Variants in MARCKSL1 observed in about 807,000 individuals in gnomAD.
The protein encoded by MARCKSL1 is MARCKS like 1, also known as MARCKS-related protein.
A neutral mutation model predicts 13.3 loss-of-function variants in MARCKSL1; 5 were observed. The ratio of observed to expected loss-of-function variants is 0.38; its 90% CI spans 0.20 to 0.79. The LOEUF is 0.79. Ranked by LOEUF, MARCKSL1 falls within the 30% of genes least tolerant of loss-of-function variation. MARCKSL1 has a pLI of 0.45. For missense variants in MARCKSL1, 274 were observed against 251.6 expected (o/e 1.09, Z -0.60); for synonymous variants, 126 against 103.2 (o/e 1.22, Z -1.34).
chr1:32,335,957 G>A lies in MARCKSL1; in HGVS notation c.77C>T (p.Ala26Val). Residue 26 changes from alanine to valine, a missense_variant, in exon 1 of 2, where the codon GCC becomes GTC. Coordinates refer to ENST00000329421, the MANE Select transcript of MARCKSL1 (RefSeq NM_023009.7). This position sits in a 1 kb window ranked among gnomAD's most constrained non-coding sequence, Gnocchi z 4.1. Reference sequence around the variant, plus strand: ...GCCAAGCGTACCCACCTGGCCGTTGGCCTTCGCGGGGGAAGCGCCTGCTGC... The same window carrying A: ...GCCAAGCGTACCCACCTGGCCGTTGACCTTCGCGGGGGAAGCGCCTGCTGC... ...EEAAGASPAK[A>V]NGQENGHVKS... 1 of 1,293,356 alleles carries A rather than the reference G, an allele frequency of 7.7e-7. No individual in the cohort carries two copies. The highest frequency in any genetic ancestry group is 9.8e-7 in the Non-Finnish European group (1 of 1,017,360). 80.1% of individuals were successfully genotyped at this position (1,293,356 alleles called of 1,614,324 possible). A position where few individuals can be genotyped will look rare whatever the true frequency, so the allele number is the denominator to read the frequency against.
rs768933914 is a variant in MARCKSL1, at chr1:32,336,012, C to G, written c.22G>C (p.Ala8Pro). 4.8e-5 allele frequency: 62 copies of G among 1,295,284 alleles called. No individual in the cohort carries two copies. Among genetic ancestry groups the G allele is most frequent in the Non-Finnish European group, 5.8e-5 (59 of 1,021,110 alleles). 80.2% of individuals were successfully genotyped at this position (1,295,284 alleles called of 1,614,324 possible). A position where few individuals can be genotyped will look rare whatever the true frequency, so the allele number is the denominator to read the frequency against. The change falls in exon 1 of 2, where the codon GCT (alanine) becomes CCT (proline). Residue 8 changes from alanine to proline, a missense_variant. Coordinates refer to ENST00000329421, the MANE Select transcript of MARCKSL1 (RefSeq NM_023009.7). The stretch of plus-strand genomic sequence containing the variant: ...TCGGCGGTCACGTCGCCCCGGGGAG[C>G]CTTGGAGCTCTGGCTGCCCATGATG... MGSQSSK[A>P]PRGDVTAEEA...
At position 32,334,641 on chromosome 1, in the gene MARCKSL1, G is replaced by A; in HGVS notation, c.544C>T (p.Pro182Ser). The part of the protein sequence containing the change: ...QATEPSTPSG[P>S]ESGPTPASAE... ...CTGGCTGGTGTAGGGCCACTCTCCG[G>A]CCCCGAGGGAGTGGATGGCTCTGTA... Residue 182 changes from proline to serine, a missense_variant, in exon 2 of 2, where the codon CCG becomes TCG. By Grantham distance (74) the Pro-to-Ser change is moderately conservative. Transcript: ENST00000329421. The A allele has an allele frequency of 1.9e-6, 3 of 1,598,572 alleles. No homozygotes were observed. Among genetic ancestry groups the A allele is most frequent in the Non-Finnish European group, 2.6e-6 (3 of 1,172,476 alleles).
Position 32,335,576 on chromosome 1 carries a change from C to T in MARCKSL1, c.87+371G>A, listed in dbSNP as rs867251943. Among the ~76,000 whole-genome samples the T allele has an allele frequency of 1.3e-4, 20 of 151,682 alleles. No homozygotes were observed. Among genetic ancestry groups the T allele is most frequent in the Admixed American group, 2.6e-4 (4 of 15,252 alleles). On this transcript the variant is annotated intron_variant, in intron 1 of 1. Coordinates refer to ENST00000329421, the MANE Select transcript of MARCKSL1 (RefSeq NM_023009.7). This position sits in a 1 kb window ranked among gnomAD's most constrained non-coding sequence, Gnocchi z 4.1. ...CCTTAAAAAAAAAAAGACCGTGGGC[C>T]ACCGAGGTCGGGTCGGCGGGTGGAG...
rs970004265 is a variant in MARCKSL1, at chr1:32,336,013, C to T, written c.21G>A (p.Lys7=). Residue 7 remains lysine (K), a synonymous_variant, in exon 1 of 2, where the codon AAG becomes AAA. Transcript: ENST00000329421. The part of the protein sequence containing the change: MGSQSS[K]APRGDVTAEE... ...CGGCGGTCACGTCGCCCCGGGGAGCCTTGGAGCTCTGGCTGCCCATGATGG... is the reference window on the plus strand; with the variant it reads ...CGGCGGTCACGTCGCCCCGGGGAGCTTTGGAGCTCTGGCTGCCCATGATGG... The T allele has an allele frequency of 1.1e-5, 14 of 1,294,136 alleles. No homozygotes were observed. In the African/African-American group the frequency reaches 1.8e-4, roughly 17 times the overall value. 80.2% of individuals were successfully genotyped at this position (1,294,136 alleles called of 1,614,324 possible). A position where few individuals can be genotyped will look rare whatever the true frequency, so the allele number is the denominator to read the frequency against.
At position 32,335,280 on chromosome 1, in the gene MARCKSL1, G is replaced by C. The variant is rs1641368036; in HGVS notation, c.88-183C>G. ...CTCTCGCCCCTCACGGGCGCGCGGG[G>C]AGCGAGCGCGCAGAGGGCGCGACCG... On this transcript the variant is annotated intron_variant, in intron 1 of 1. Coordinates refer to ENST00000329421, the MANE Select transcript of MARCKSL1 (RefSeq NM_023009.7). This position sits in a 1 kb window ranked among gnomAD's most constrained non-coding sequence, Gnocchi z 4.1. Among the ~76,000 whole-genome samples, 1 of 152,130 alleles carries C rather than the reference G, an allele frequency of 6.6e-6. No homozygotes were observed. Among genetic ancestry groups the C allele is most frequent in the Admixed American group, 6.5e-5 (1 of 15,286 alleles).
In MARCKSL1 at chr1:32,334,328, G is replaced by T; in HGVS notation, c.*269C>A. On this transcript the variant is annotated 3_prime_UTR_variant, in exon 2 of 2. Coordinates refer to ENST00000329421, the MANE Select transcript of MARCKSL1 (RefSeq NM_023009.7). Reference sequence around the variant, plus strand: ...TGCAGGGGTGGGGACAGGGAAGGAGGTAGGGCCAGGGACAGGAGCATTTCA... The same window carrying T: ...TGCAGGGGTGGGGACAGGGAAGGAGTTAGGGCCAGGGACAGGAGCATTTCA... 2 of 366,704 alleles carry T rather than the reference G, an allele frequency of 5.5e-6. No individual in the cohort carries two copies. Among genetic ancestry groups the T allele is most frequent in the Non-Finnish European group, 9.7e-6 (2 of 205,360 alleles). 22.7% of individuals were successfully genotyped at this position (366,704 alleles called of 1,614,324 possible).
chr1:32,334,050 AAAG>A lies in MARCKSL1; in HGVS notation c.*544_*546del, dbSNP rs1362159943. The A allele has an allele frequency of 1.3e-5, 2 of 152,772 alleles. No homozygotes were observed. The highest frequency in any genetic ancestry group is 2.9e-5 in the Non-Finnish European group (2 of 68,146). The allele number at this position is 152,772 out of a possible 1,614,324, so 9.5% of individuals were successfully genotyped here. A position where few individuals can be genotyped will look rare whatever the true frequency, so the allele number is the denominator to read the frequency against. On this transcript the variant is annotated 3_prime_UTR_variant, in exon 2 of 2. Coordinates refer to ENST00000329421, the MANE Select transcript of MARCKSL1 (RefSeq NM_023009.7). Reference sequence around the variant, plus strand: ...CCTAATACTTGCTTACCAAGTCAAAAAAGAGACACAGTTGATTCACAGGCTGGA... The same window carrying A: ...CCTAATACTTGCTTACCAAGTCAAAAAGACACAGTTGATTCACAGGCTGGA...
Position 32,334,694 on chromosome 1 carries a change from G to A in MARCKSL1, c.491C>T (p.Ala164Val), listed in dbSNP as rs769256460. 3 of 1,612,648 alleles carry A rather than the reference G, an allele frequency of 1.9e-6. No individual in the cohort carries two copies. The highest frequency in any genetic ancestry group is 1.1e-5 in the South Asian group (1 of 90,982). ...CTGGGGCCCTGCCTCTTCTTCTGAG[G>A]CTGCACTAGCCTCTGCCCCCTTGGC... is the stretch of plus-strand genomic sequence containing the variant. ...PQAKGAEASA[A>V]SEEEAGPQAT... Residue 164 changes from alanine (A) to valine (V), a missense_variant, in exon 2 of 2, where the codon GCC (alanine) becomes GTC (valine). By Grantham distance (64) the Ala-to-Val change is moderately conservative (BLOSUM62 0). Coordinates refer to ENST00000329421, the MANE Select transcript of MARCKSL1 (RefSeq NM_023009.7).
chr1:32,334,267 GA>G lies in MARCKSL1; in HGVS notation c.*329del. The G allele has an allele frequency of 4.3e-6, 1 of 229,944 alleles. No individual in the cohort carries two copies. The allele number at this position is 229,944 out of a possible 1,614,324, so 14.2% of individuals were successfully genotyped here. A position where few individuals can be genotyped will look rare whatever the true frequency, so the allele number is the denominator to read the frequency against. Reference sequence around the variant, plus strand: ...GAGTAGGGTAAACAAAACCTACTTGGAAAAGAATTGGGGAAGAAAACCAACA... The same window carrying G: ...GAGTAGGGTAAACAAAACCTACTTGGAAAGAATTGGGGAAGAAAACCAACA... On this transcript the variant is annotated 3_prime_UTR_variant, in exon 2 of 2. Coordinates refer to ENST00000329421, the MANE Select transcript of MARCKSL1 (RefSeq NM_023009.7).
rs762079468 is a variant in MARCKSL1 at position 32,336,028 on chromosome 1, G to A, written c.6C>T (p.Gly2=). 1 of 1,289,430 alleles carries A rather than the reference G, an allele frequency of 7.8e-7. No homozygotes were observed. Among genetic ancestry groups the A allele is most frequent in the South Asian group, 3.1e-5 (1 of 32,414 alleles). The allele number at this position is 1,289,430 out of a possible 1,614,324, so 79.9% of individuals were successfully genotyped here. A position where few individuals can be genotyped will look rare whatever the true frequency, so the allele number is the denominator to read the frequency against. The change falls in exon 1 of 2, where the codon GGC becomes GGT. Residue 2 remains glycine (G), a synonymous_variant. Coordinates refer to ENST00000329421, the MANE Select transcript of MARCKSL1 (RefSeq NM_023009.7). M[G]SQSSKAPRGD... is the part of the protein sequence containing the mutation. The stretch of plus-strand genomic sequence containing the variant: ...CCCGGGGAGCCTTGGAGCTCTGGCT[G>A]CCCATGATGGGGGTCTGCTGGGGGG...
Position 32,334,528 on chromosome 1 carries a change from C to T in MARCKSL1, c.*69G>A, listed in dbSNP as rs1641350120. The T allele has an allele frequency of 6.8e-7, 1 of 1,474,166 alleles. No homozygotes were observed. The highest frequency in any genetic ancestry group is 9.0e-7 in the Non-Finnish European group (1 of 1,111,192). 91.3% of individuals were successfully genotyped at this position (1,474,166 alleles called of 1,614,324 possible). A position where few individuals can be genotyped will look rare whatever the true frequency, so the allele number is the denominator to read the frequency against. On this transcript the variant is annotated 3_prime_UTR_variant, in exon 2 of 2. Transcript: ENST00000329421. ...CAGGAAGGCAGCCAGGGCACCAGGT[C>T]CAGGCAGTGACCTCACAAGGACAGC...
Position 32,335,891 on chromosome 1 carries a change from A to C in MARCKSL1, c.87+56T>G. On this transcript the variant is annotated intron_variant, in intron 1 of 1. Coordinates refer to ENST00000329421, the MANE Select transcript of MARCKSL1 (RefSeq NM_023009.7). The surrounding 1 kb of genome is among the most constrained non-coding windows in gnomAD (Gnocchi z 4.1). ...GGCCCCGGCCCCGGCCCCGGGCCCT[A>C]GAAGGGGCGAGGTGCGAGAGGAGGG... is the stretch of plus-strand genomic sequence containing the variant. 9.2e-7 allele frequency: 1 copy of C among 1,083,366 alleles called. No homozygotes were observed. The highest frequency in any genetic ancestry group is 1.2e-6 in the Non-Finnish European group (1 of 843,120). The allele number at this position is 1,083,366 out of a possible 1,614,324, so 67.1% of individuals were successfully genotyped here.
chr1:32,334,699 A>G lies in MARCKSL1; in HGVS notation c.486T>C (p.Ser162=). ...GCCCTGCCTCTTCTTCTGAGGCTGC[A>G]CTAGCCTCTGCCCCCTTGGCCTGGG... ...QEPQAKGAEA[S]AASEEEAGPQ... is the part of the protein sequence containing the mutation. Residue 162 remains serine (S), a synonymous_variant, in exon 2 of 2, where the codon AGT becomes AGC. Transcript: ENST00000329421. The G allele has an allele frequency of 5.6e-6, 9 of 1,612,668 alleles. No individual in the cohort carries two copies. The highest frequency in any genetic ancestry group is 6.8e-6 in the Non-Finnish European group (8 of 1,179,852).
chr1:32,335,862 G>C lies in MARCKSL1; in HGVS notation c.87+85C>G, dbSNP rs942156387. On this transcript the variant is annotated intron_variant, in intron 1 of 1. Transcript: ENST00000329421. The surrounding 1 kb of genome is among the most constrained non-coding windows in gnomAD (Gnocchi z 4.1). ...CCGCGTGTCCCGGGCCGGACAAAGC[G>C]CGCGGCCCCGGCCCCGGCCCCGGGC... 46 of 720,512 alleles carry C rather than the reference G, an allele frequency of 6.4e-5. No individual in the cohort carries two copies. Among genetic ancestry groups the C allele is most frequent in the Non-Finnish European group, 8.3e-5 (44 of 529,130 alleles). 44.6% of individuals were successfully genotyped at this position (720,512 alleles called of 1,614,324 possible).
chr1:32,334,588 CCT>C lies in MARCKSL1; in HGVS notation c.*7_*8del. The C allele has an allele frequency of 6.5e-7, 1 of 1,527,320 alleles. No homozygotes were observed. The allele number at this position is 1,527,320 out of a possible 1,614,324, so 94.6% of individuals were successfully genotyped here. ...GCAGCTTAGAGATCACCCACCTGCC[CCT>C]ACCTAGCTACTCATTCTGCTCAGCG... On this transcript the variant is annotated 3_prime_UTR_variant, in exon 2 of 2. Coordinates refer to ENST00000329421, the MANE Select transcript of MARCKSL1 (RefSeq NM_023009.7).
Position 32,335,723 on chromosome 1 carries a change from C to G in MARCKSL1, c.87+224G>C, listed in dbSNP as rs1230759996. On this transcript the variant is annotated intron_variant, in intron 1 of 1. Transcript: ENST00000329421. The surrounding 1 kb of genome is among the most constrained non-coding windows in gnomAD (Gnocchi z 4.1). Reference sequence around the variant, plus strand: ...GGGGGGCAGCGCCGGGGACCGGGGCCGCGAACAAAGAAGGCGGCAGGGCCC... The same window carrying G: ...GGGGGGCAGCGCCGGGGACCGGGGCGGCGAACAAAGAAGGCGGCAGGGCCC... Among the ~76,000 whole-genome samples the G allele has an allele frequency of 6.6e-6, 1 of 151,142 alleles. No individual in the cohort carries two copies. Among genetic ancestry groups the G allele is most frequent in the Non-Finnish European group, 1.5e-5 (1 of 67,676 alleles).
chr1:32,334,586 C>CTACTCATTCTG lies in MARCKSL1; in HGVS notation c.*10_*11insCAGAATGAGTA. 1 of 1,526,434 alleles carries CTACTCATTCTG rather than the reference C, an allele frequency of 6.6e-7. No homozygotes were observed. 94.6% of individuals were successfully genotyped at this position (1,526,434 alleles called of 1,614,324 possible). On this transcript the variant is annotated 3_prime_UTR_variant, in exon 2 of 2. Transcript: ENST00000329421. The stretch of plus-strand genomic sequence containing the variant: ...TTGCAGCTTAGAGATCACCCACCTG[C>CTACTCATTCTG]CCCTACCTAGCTACTCATTCTGCTC...
Position 32,334,579 on chromosome 1 carries a change from C to T in MARCKSL1, c.*18G>A, listed in dbSNP as rs1641350927. On this transcript the variant is annotated 3_prime_UTR_variant, in exon 2 of 2. Transcript: ENST00000329421. ...ACAGTTTTTGCAGCTTAGAGATCAC[C>T]CACCTGCCCCTACCTAGCTACTCAT... The T allele has an allele frequency of 6.6e-7, 1 of 1,517,856 alleles. No homozygotes were observed. Among genetic ancestry groups the T allele is most frequent in the South Asian group, 1.3e-5 (1 of 75,984 alleles). The allele number at this position is 1,517,856 out of a possible 1,614,324, so 94.0% of individuals were successfully genotyped here. A position where few individuals can be genotyped will look rare whatever the true frequency, so the allele number is the denominator to read the frequency against.
Position 32,335,884 on chromosome 1 carries a change from G to A in MARCKSL1, c.87+63C>T, listed in dbSNP as rs1253785273. 4.9e-6 allele frequency: 5 copies of A among 1,017,216 alleles called. No individual in the cohort carries two copies. Among genetic ancestry groups the A allele is most frequent in the Non-Finnish European group, 6.3e-6 (5 of 787,810 alleles). 63.0% of individuals were successfully genotyped at this position (1,017,216 alleles called of 1,614,324 possible). ...AGCGCGCGGCCCCGGCCCCGGCCCCGGGCCCTAGAAGGGGCGAGGTGCGAG... is the reference window on the plus strand; with the variant it reads ...AGCGCGCGGCCCCGGCCCCGGCCCCAGGCCCTAGAAGGGGCGAGGTGCGAG... On this transcript the variant is annotated intron_variant, in intron 1 of 1. Transcript: ENST00000329421. The surrounding 1 kb of genome is among the most constrained non-coding windows in gnomAD (Gnocchi z 4.1).
Sources: allele counts gnomAD v4.1 joint callset (sites outside exome capture counted in the v4.1 genomes callset), GRCh38; gene constraint gnomAD v4.1.1; non-coding constraint Gnocchi (gnomAD v3.1); transcripts MANE v1.5; gene names NCBI Gene and HGNC (gene_info 2026-07-23, HGNC 2026-07-21).